Variants in STARD13 observed in about 807,000 individuals in gnomAD.
STARD13 encodes StAR related lipid transfer domain containing 13.
A neutral mutation model predicts 106.4 loss-of-function variants in STARD13; 62 were observed. The observed-to-expected ratio is 0.58, with a 90% CI of 0.48 to 0.72. The LOEUF is 0.72. Among genes scored for constraint, STARD13 ranks in the 30% least tolerant of loss-of-function variants. The pLI, the probability that STARD13 is intolerant of heterozygous loss-of-function variation, is 0.00. For synonymous variants in STARD13, 565 were observed against 553.0 expected (o/e 1.02, Z -0.31); for missense variants, 1,387 against 1,424.0 (o/e 0.97, Z 0.42).
chr13:33,114,281 G>A (rs969260971), intron 8 of STARD13, among the ~76,000 whole-genome samples: 1 of 152,168 alleles, frequency 6.6e-6, no homozygotes, highest in East Asian at 1.9e-4. Flanking sequence ...GTCCTGGCTG[G>A]CCCCAGGCTT....
rs201137816 is a variant in STARD13 at position 33,128,168 on chromosome 13, AAGAG to A, written c.1749-626_1749-623del. On this transcript the variant is annotated intron_variant, in intron 5 of 13. Transcript: ENST00000336934. Reference sequence around the variant, plus strand: ...AGACAGAGGTAGAGCGATAAAGACAAAGAGAGAAAGAGAGAGAGATACAGACAGG... The same window carrying A: ...AGACAGAGGTAGAGCGATAAAGACAAAGAAAGAGAGAGAGATACAGACAGG... Among the ~76,000 whole-genome samples the A allele has an allele frequency of 4.2e-3, 643 of 151,526 alleles. 7 individuals are homozygous for A. The highest frequency in any genetic ancestry group is 0.015 in the African/African-American group (608 of 41,300).
intron 1 of STARD13, among the ~76,000 whole-genome samples, chr13:33,180,039 G>T (rs1420951924): frequency 6.6e-6 from 1 of 152,200 alleles, no homozygotes; most frequent in Non-Finnish European, 1.5e-5. Flanking sequence ...TACACGACAA[G>T]TATCTAACAT....
the STARD13 span, among the ~76,000 whole-genome samples, chr13:33,584,899 C>G: frequency 6.6e-6 from 1 of 152,068 alleles, no homozygotes; most frequent in African/African-American, 2.4e-5. Flanking sequence ...CCTGCTCTGG[C>G]CATGGCACCT....
chr13:33,282,478 C>T (rs1035592606), intron 1 of STARD13, among the ~76,000 whole-genome samples: 14 of 152,074 alleles, frequency 9.2e-5, no homozygotes, highest in Non-Finnish European at 1.9e-4. Flanking sequence ...CATGTGCACG[C>T]CATTCAATGA....
the STARD13 span, among the ~76,000 whole-genome samples, chr13:33,374,549 A>G: frequency 6.6e-6 from 1 of 152,230 alleles, no homozygotes; most frequent in African/African-American, 2.4e-5. Flanking sequence ...AATTCAAGGT[A>G]AGAGAGATAG....
At chr13:33,231,354 G>A (rs1287624066) in intron 1 of STARD13, among the ~76,000 whole-genome samples, 2 of 152,222 alleles carry the variant, frequency 1.3e-5, no homozygotes, top group African/African-American at 4.8e-5. Flanking sequence ...CGAGGCTCAG[G>A]CCTGGCACAT....
chr13:33,397,950 C>T, the STARD13 span, among the ~76,000 whole-genome samples: 1 of 152,168 alleles, frequency 6.6e-6, no homozygotes. Flanking sequence ...ACCCAAAGGT[C>T]GTATCTCCTA....
At chr13:33,462,355 A>G in the STARD13 span, among the ~76,000 whole-genome samples, 1 of 152,136 alleles carries the variant, frequency 6.6e-6, no homozygotes, top group Admixed American at 6.5e-5. Context: ...ATCATATACC[A>G]CATTATTAGT....
At chr13:33,382,455 T>A in the STARD13 span, among the ~76,000 whole-genome samples, 1 of 152,208 alleles carries the variant, frequency 6.6e-6, no homozygotes, top group African/African-American at 2.4e-5. Flanking sequence ...AGCATTGATA[T>A]CATCTGTAAT....
chr13:33,668,082 C>T, the STARD13 span, among the ~76,000 whole-genome samples: 1 of 152,198 alleles, frequency 6.6e-6, no homozygotes, highest in Admixed American at 6.5e-5. Context: ...TTTCTTCCAC[C>T]ATGTGGCTGC....
the STARD13 span, among the ~76,000 whole-genome samples, chr13:33,606,516 TC>T: frequency 4.6e-5 from 7 of 152,238 alleles, no homozygotes; most frequent in Non-Finnish European, 7.3e-5. Context: ...TAATCTAACT[TC>T]TTGGGTTGTA....
chr13:33,536,539 T>A, the STARD13 span, among the ~76,000 whole-genome samples: 129 of 152,310 alleles, frequency 8.5e-4, no homozygotes, highest in Non-Finnish European at 1.5e-3. Flanking sequence ...GCTGTCTTGG[T>A]AAGATAAAAA....
rs368811203 is a variant in STARD13 at position 33,243,119 on chromosome 13, C to T, written c.169+42351G>A. ...CCAAGGAAGGCCCCCTCATTCCATC[C>T]CTACCGCCCACTCCATAGCACAGTG... is the stretch of plus-strand genomic sequence containing the variant. On this transcript the variant is annotated intron_variant, in intron 1 of 13. Transcript: ENST00000336934. Among the ~76,000 whole-genome samples, 5 of 152,294 alleles carry T rather than the reference C, an allele frequency of 3.3e-5. No individual in the cohort carries two copies. In the East Asian group the frequency reaches 9.6e-4, roughly 29 times the overall value.
intron 1 of STARD13, chr13:33,278,726 G>C (rs1197639684): frequency 6.6e-6 from 1 of 152,096 alleles, no homozygotes; most frequent in Non-Finnish European, 1.5e-5. Context: ...TTTCCTCTTT[G>C]CTTAGATCAG....
At chr13:33,219,813 C>CAAAAAAAAA (rs71196513) in intron 1 of STARD13, among the ~76,000 whole-genome samples, 31 of 116,644 alleles carry the variant, frequency 2.7e-4, no homozygotes, top group East Asian at 4.8e-4. Context: ...TAAAAACAAA[C>CAAAAAAAAA]AAAAAAAAAA....
chr13:33,104,727 A>T lies in STARD13; in HGVS notation c.*866T>A, dbSNP rs1430901521. On this transcript the variant is annotated 3_prime_UTR_variant, in exon 14 of 14. Transcript: ENST00000336934. ...TGAAGAAGTAAAGGCTATGATATTC[A>T]TCTTGACTTGGGGTCTGTAGTGATG... is the stretch of plus-strand genomic sequence containing the variant. The T allele has an allele frequency of 6.5e-6, 1 of 153,530 alleles. No individual in the cohort carries two copies. Among genetic ancestry groups the T allele is most frequent in the African/African-American group, 2.4e-5 (1 of 41,444 alleles). 9.5% of individuals were successfully genotyped at this position (153,530 alleles called of 1,614,324 possible). A position where few individuals can be genotyped will look rare whatever the true frequency, so the allele number is the denominator to read the frequency against.
the STARD13 span, among the ~76,000 whole-genome samples, chr13:33,506,212 G>A: frequency 6.6e-6 from 1 of 152,140 alleles, no homozygotes; most frequent in Non-Finnish European, 1.5e-5. Context: ...AAGCATTAAA[G>A]CACTTTCCTT....
the STARD13 span, among the ~76,000 whole-genome samples, chr13:33,588,631 C>T: frequency 2.6e-5 from 4 of 152,142 alleles, no homozygotes; most frequent in African/African-American, 7.2e-5. Flanking sequence ...GTACCATTGT[C>T]ATGATTGAAA....
chr13:33,249,916 G>T (rs972921533), intron 1 of STARD13, among the ~76,000 whole-genome samples: 1 of 151,850 alleles, frequency 6.6e-6, no homozygotes, highest in Non-Finnish European at 1.5e-5. Flanking sequence ...CAGCCTCCTG[G>T]GTAGCTGGGA....
Sources: allele counts gnomAD v4.1 joint callset (sites outside exome capture counted in the v4.1 genomes callset), GRCh38; gene constraint gnomAD v4.1.1; transcripts MANE v1.5; gene names NCBI Gene and HGNC (gene_info 2026-07-23, HGNC 2026-07-21).